Variants in RAD54L2 observed in about 807,000 individuals in gnomAD.
RAD54L2 encodes the protein RAD54 like 2.
In RAD54L2, 27 loss-of-function variants were observed where a neutral mutation model predicts 138.4. The observed-to-expected ratio is 0.20, with a 90% CI of 0.14 to 0.27. The LOEUF (loss-of-function observed/expected upper bound fraction) is 0.27. Ranked by LOEUF, RAD54L2 falls within the 10% of genes least tolerant of loss-of-function variation. The probability of loss-of-function intolerance (pLI) is 1.00; values close to 1 mark genes in which losing one functional copy is unlikely to be tolerated. For synonymous variants in RAD54L2, 644 were observed against 723.2 expected (o/e 0.89, Z 1.76); for missense variants, 1,396 against 1,890.2 (o/e 0.74, Z 4.85).
intron 2 of RAD54L2, among the ~76,000 whole-genome samples, chr3:51,554,993 C>A (rs1262139345): frequency 2.0e-5 from 3 of 152,004 alleles, no homozygotes; most frequent in African/African-American, 7.2e-5. Flanking sequence ...AAGGTGTGTG[C>A]CACCATGCCT....
Position 51,641,883 on chromosome 3 carries a change from C to G in RAD54L2, c.2350+16C>G, listed in dbSNP as rs375328703. The G allele has an allele frequency of 9.1e-6, 14 of 1,538,796 alleles. No homozygotes were observed. The highest frequency in any genetic ancestry group is 8.3e-5 in the South Asian group (7 of 84,104). On this transcript the variant is annotated intron_variant, in intron 15 of 22. Transcript: ENST00000684192. ...AGCTACTTCCGTGAGTTCATTGTTG[C>G]GTTGTTCTTGAAGCCTTGGCAAGGT... is the stretch of plus-strand genomic sequence containing the variant.
At chr3:51,609,974 TA>T (rs35703301) in intron 3 of RAD54L2, among the ~76,000 whole-genome samples, 145,810 of 149,132 alleles carry the variant, frequency 0.98, 71,292 homozygotes, top group East Asian at 1. Flanking sequence ...GGATTTGGGG[TA>T]AAAAAAAAAA....
Position 51,662,547 on chromosome 3 carries a change from T to C in RAD54L2, c.3531T>C (p.Ser1177=). The change falls in exon 23 of 23, where the codon AGT becomes AGC. Residue 1177 remains serine (S), a synonymous_variant. Coordinates refer to ENST00000684192, the MANE Select transcript of RAD54L2 (RefSeq NM_015106.4). The surrounding 1 kb of genome is among the most constrained non-coding windows in gnomAD (Gnocchi z 4.6). The part of the protein sequence containing the change: ...PVSPDSPEII[S]ELQQYADVAA... The stretch of plus-strand genomic sequence containing the variant: ...CTCCTGACAGCCCAGAGATCATCAG[T>C]GAGCTTCAGCAGTATGCAGATGTGG... The C allele has an allele frequency of 1.9e-6, 3 of 1,613,782 alleles. No homozygotes were observed. The highest frequency in any genetic ancestry group is 1.7e-6 in the Non-Finnish European group (2 of 1,179,838).
chr3:51,544,127 T>G (rs1235395104), intron 2 of RAD54L2, among the ~76,000 whole-genome samples: 1 of 152,192 alleles, frequency 6.6e-6, no homozygotes, highest in Non-Finnish European at 1.5e-5. Context: ...GAGCTTGTCT[T>G]GTTTATATCC....
intron 19 of RAD54L2, 54 bp from the exon 20 acceptor site, chr3:51,655,917 A>T: frequency 6.8e-7 from 1 of 1,477,274 alleles, no homozygotes. Context: ...GCCTTTGGAA[A>T]AGGTAACAGT....
intron 19 of RAD54L2, among the ~76,000 whole-genome samples, chr3:51,654,026 A>G (rs955383036): frequency 6.6e-6 from 1 of 152,122 alleles, no homozygotes; most frequent in Non-Finnish European, 1.5e-5. Flanking sequence ...TTTAGGTAAG[A>G]CATTGACTTT....
rs71084151 is a variant in RAD54L2, at chr3:51,592,054, GTTTTTTTTTT to G, written c.139+1515_139+1524del. 5.2e-3 allele frequency among the ~76,000 whole-genome samples: 345 copies of G among 66,892 alleles called. 3 individuals carry two copies. Among genetic ancestry groups the G allele is most frequent in the South Asian group, 0.013 (16 of 1,194 alleles). 43.9% of individuals were successfully genotyped at this position (66,892 alleles called of 152,430 possible). A position where few individuals can be genotyped will look rare whatever the true frequency, so the allele number is the denominator to read the frequency against. On this transcript the variant is annotated intron_variant, in intron 3 of 22. Transcript: ENST00000684192. ...TGTAGCTGTGCAATTTGGTTTTGGTGTTTTTTTTTTTTTTTTTTTTTTTTTTTTTGAGATG... is the reference window on the plus strand; with the variant it reads ...TGTAGCTGTGCAATTTGGTTTTGGTGTTTTTTTTTTTTTTTTTTTGAGATG...
chr3:51,607,835 G>T (rs1700229497), intron 3 of RAD54L2, among the ~76,000 whole-genome samples: 1 of 151,136 alleles, frequency 6.6e-6, no homozygotes, highest in Non-Finnish European at 1.5e-5. Flanking sequence ...AGACGGGGCG[G>T]CTGGGCAGAG....
At position 51,639,416 on chromosome 3, in the gene RAD54L2, C is replaced by CA; in HGVS notation, c.1861-2dup. On this transcript the variant is annotated splice_region_variant and splice_polypyrimidine_tract_variant and intron_variant, in intron 12 of 22. Coordinates refer to ENST00000684192, the MANE Select transcript of RAD54L2 (RefSeq NM_015106.4). Reference sequence around the variant, plus strand: ...GTCTCCTCTCCCTTTCCTTGAACCTCAGATCTGGAATCACCCTGATGTGCT... The same window carrying CA: ...GTCTCCTCTCCCTTTCCTTGAACCTCAAGATCTGGAATCACCCTGATGTGCT... The CA allele has an allele frequency of 6.2e-7, 1 of 1,613,504 alleles. No homozygotes were observed. The highest frequency in any genetic ancestry group is 1.1e-5 in the South Asian group (1 of 91,048).
chr3:51,662,372 C>T lies in RAD54L2; in HGVS notation c.3410-54C>T. Reference sequence around the variant, plus strand: ...TTTTTAATGGAGTTTTCTCCTCTACCCTTCTTCTCTCCCTGGCCACTCTGA... The same window carrying T: ...TTTTTAATGGAGTTTTCTCCTCTACTCTTCTTCTCTCCCTGGCCACTCTGA... On this transcript the variant is annotated intron_variant, in intron 22 of 22. Coordinates refer to ENST00000684192, the MANE Select transcript of RAD54L2 (RefSeq NM_015106.4). The surrounding 1 kb of genome is among the most constrained non-coding windows in gnomAD (Gnocchi z 4.6). The T allele has an allele frequency of 2.1e-6, 3 of 1,427,108 alleles. No homozygotes were observed. The highest frequency in any genetic ancestry group is 1.5e-5 in the South Asian group (1 of 65,524). The allele number at this position is 1,427,108 out of a possible 1,614,324, so 88.4% of individuals were successfully genotyped here.
In RAD54L2 at chr3:51,646,558, G is replaced by C. The variant is rs1033945045; in HGVS notation, c.3026+77G>C. ...TCAACTTGTTCATATTTTAAATAAA[G>C]GCAGAGCCTACAACTTGTTCCTTGA... On this transcript the variant is annotated intron_variant, in intron 19 of 22. Coordinates refer to ENST00000684192, the MANE Select transcript of RAD54L2 (RefSeq NM_015106.4). 5.9e-6 allele frequency: 8 copies of C among 1,364,760 alleles called. No homozygotes were observed. In the African/African-American group the frequency reaches 1.2e-4, roughly 20 times the overall value. The allele number at this position is 1,364,760 out of a possible 1,614,324, so 84.5% of individuals were successfully genotyped here. A position where few individuals can be genotyped will look rare whatever the true frequency, so the allele number is the denominator to read the frequency against.
At chr3:51,627,492 G>A (rs1700718051) in intron 3 of RAD54L2, 61 bp from the exon 4 acceptor site, 4 of 1,480,742 alleles carry the variant, frequency 2.7e-6, no homozygotes, top group Non-Finnish European at 2.8e-6. Context: ...AGGTGTGTCT[G>A]TCATCCAGAC....
At chr3:51,644,650 T>C (rs1261727029) in intron 16 of RAD54L2, among the ~76,000 whole-genome samples, 1 of 152,222 alleles carries the variant, frequency 6.6e-6, no homozygotes, top group African/African-American at 2.4e-5. Flanking sequence ...TCTGCCATCG[T>C]AATGCCCTTG....
chr3:51,568,297 C>T (rs891444372), intron 2 of RAD54L2, among the ~76,000 whole-genome samples: 9 of 152,118 alleles, frequency 5.9e-5, no homozygotes, highest in African/African-American at 1.7e-4. Flanking sequence ...AGCTCCTCAT[C>T]CTGTCCTTTT....
At chr3:51,547,175 T>G (rs1400927100) in intron 2 of RAD54L2, among the ~76,000 whole-genome samples, 1 of 151,960 alleles carries the variant, frequency 6.6e-6, no homozygotes, top group Admixed American at 6.6e-5. Context: ...TGGTGAGAGC[T>G]TGTCTCTACA....
intron 3 of RAD54L2, among the ~76,000 whole-genome samples, chr3:51,608,119 C>T (rs1373954140): frequency 4.0e-5 from 6 of 149,562 alleles, no homozygotes; most frequent in Admixed American, 2.7e-4. Flanking sequence ...ACGGGGCGGC[C>T]GGTCAGAGAC....
At chr3:51,630,460 G>C in intron 6 of RAD54L2, 72 bp downstream of exon 6, 1 of 1,394,024 alleles carries the variant, frequency 7.2e-7, no homozygotes, top group Non-Finnish European at 1.0e-6. Flanking sequence ...ACTTTGAAAA[G>C]AGTCCAGTCC....
Position 51,660,123 on chromosome 3 carries a change from G to C in RAD54L2, c.3409+5G>C. ...ATGGTCGGATGGCTGCCTCAGGTGT[G>C]ATGGCTTTTACTTTCCATTTTACTT... On this transcript the variant is annotated splice_donor_5th_base_variant and intron_variant, in intron 22 of 22. Coordinates refer to ENST00000684192, the MANE Select transcript of RAD54L2 (RefSeq NM_015106.4). The C allele has an allele frequency of 1.3e-6, 2 of 1,592,760 alleles. No individual in the cohort carries two copies. Among genetic ancestry groups the C allele is most frequent in the Non-Finnish European group, 1.7e-6 (2 of 1,163,182 alleles).
intron 10 of RAD54L2, 178 bp from the exon 11 acceptor site, chr3:51,636,983 A>T: frequency 1.6e-6 from 1 of 611,590 alleles, no homozygotes; most frequent in Non-Finnish European, 2.9e-6. Context: ...ATACCAAGTC[A>T]TACCAGTCAT....
Sources: gnomAD v4.1 joint callset for allele counts (sites outside exome capture counted in the v4.1 genomes callset) on GRCh38, gnomAD v4.1.1 for gene constraint, Gnocchi (gnomAD v3.1) non-coding constraint, MANE v1.5 for transcripts, NCBI Gene and HGNC (gene_info 2026-07-23, HGNC 2026-07-21) for gene names.